The following CSMD1 variants were observed in gnomAD, a reference collection of about 807,000 sequenced individuals.
CSMD1 encodes CUB and Sushi multiple domains 1, also known as CUB and sushi domain-containing protein 1.
In CSMD1, 213 loss-of-function variants were observed where a neutral mutation model predicts 417.5. That is an observed-to-expected ratio of 0.51 (90% CI 0.46 to 0.57). CSMD1 has a LOEUF of 0.57. Ranked by LOEUF, CSMD1 falls within the 20% of genes least tolerant of loss-of-function variation. CSMD1 has a pLI of 0.00. For missense variants in CSMD1, 6,923 were observed against 4,529.7 expected (o/e 1.53, Z -15.17); for synonymous variants, 2,862 against 1,736.8 (o/e 1.65, Z -16.11).
At chr8:4,726,203 T>G (rs1384479449) in intron 1 of CSMD1, among the ~76,000 whole-genome samples, 1 of 152,126 alleles carries the variant, frequency 6.6e-6, no homozygotes, top group Non-Finnish European at 1.5e-5. Flanking sequence ...AGTTTTCAGC[T>G]GTGGCTTCAT....
At chr8:3,593,026 G>C (rs760342996) in intron 8 of CSMD1, among the ~76,000 whole-genome samples, 6 of 152,324 alleles carry the variant, frequency 3.9e-5, no homozygotes, top group African/African-American at 1.4e-4. Flanking sequence ...CTTGGATATA[G>C]GCAGGAGAGG....
intron 22 of CSMD1, among the ~76,000 whole-genome samples, chr8:3,344,249 A>C (rs534137251): frequency 3.3e-5 from 5 of 152,126 alleles, no homozygotes; most frequent in Admixed American, 1.3e-4. Flanking sequence ...GGATCGGGTA[A>C]AAGTGTTTAG....
chr8:3,033,519 T>A (rs189620993), intron 50 of CSMD1, among the ~76,000 whole-genome samples: 8 of 152,088 alleles, frequency 5.3e-5, no homozygotes, highest in Middle Eastern at 3.4e-3. Flanking sequence ...AAACACCGCG[T>A]GTTCTCATTT....
intron 48 of CSMD1, among the ~76,000 whole-genome samples, chr8:3,089,311 C>G (rs1471908906): frequency 6.6e-6 from 1 of 152,220 alleles, no homozygotes; most frequent in Admixed American, 6.5e-5. Context: ...CCAGTCTGTA[C>G]TTTCAACCCG....
chr8:4,852,475 G>C (rs144687704), intron 1 of CSMD1, among the ~76,000 whole-genome samples: 33 of 152,256 alleles, frequency 2.2e-4, no homozygotes, highest in African/African-American at 7.5e-4. Context: ...GGCCTCACCA[G>C]TTGAGGCCTC....
chr8:4,665,262 G>C (rs1233846398), intron 1 of CSMD1, among the ~76,000 whole-genome samples: 1 of 152,136 alleles, frequency 6.6e-6, no homozygotes, highest in African/African-American at 2.4e-5. Context: ...AAACTTCAAA[G>C]TTTGGCTGGT....
At chr8:3,028,388 A>C (rs544349723) in intron 51 of CSMD1, among the ~76,000 whole-genome samples, 1 of 152,258 alleles carries the variant, frequency 6.6e-6, no homozygotes, top group African/African-American at 2.4e-5. Flanking sequence ...AAACTCAGTG[A>C]CCAGGTCATT....
intron 2 of CSMD1, among the ~76,000 whole-genome samples, chr8:4,440,922 G>T (rs1172838414): frequency 6.6e-6 from 1 of 151,180 alleles, no homozygotes; most frequent in South Asian, 2.1e-4. Flanking sequence ...ACTTGAACCC[G>T]GGAGGCGGAG....
At chr8:3,153,150 C>T (rs1819305854) in intron 39 of CSMD1, among the ~76,000 whole-genome samples, 1 of 152,168 alleles carries the variant, frequency 6.6e-6, no homozygotes, top group Non-Finnish European at 1.5e-5. Context: ...CCCACCAAAG[C>T]CAAGATGGCC....
intron 3 of CSMD1, among the ~76,000 whole-genome samples, chr8:4,260,436 C>G (rs556611946): frequency 2.5e-4 from 38 of 152,198 alleles, no homozygotes; most frequent in African/African-American, 8.2e-4. Flanking sequence ...CTAGTATGTA[C>G]TTTACTGAGT....
intron 1 of CSMD1, among the ~76,000 whole-genome samples, chr8:4,919,927 C>T (rs1399203102): frequency 1.3e-5 from 2 of 152,078 alleles, no homozygotes; most frequent in East Asian, 3.9e-4. Flanking sequence ...GAGAACAGCC[C>T]TCAACAGACA....
chr8:4,077,301 A>ATATATATATATATGTG (rs1417007479), intron 3 of CSMD1, among the ~76,000 whole-genome samples: 6 of 73,548 alleles, frequency 8.2e-5, no homozygotes, highest in African/African-American at 2.2e-4. Context: ...ATATGTGTAT[A>ATATATATATATATGTG]TATATATATA....
chr8:3,802,440 T>C (rs185611514), intron 5 of CSMD1, among the ~76,000 whole-genome samples: 1 of 152,204 alleles, frequency 6.6e-6, no homozygotes, highest in Non-Finnish European at 1.5e-5. Context: ...GACATTTTTT[T>C]CTTATTAAAT....
chr8:4,557,387 C>A (rs1016846146), intron 2 of CSMD1, among the ~76,000 whole-genome samples: 1 of 150,640 alleles, frequency 6.6e-6, no homozygotes, highest in Non-Finnish European at 1.5e-5. Context: ...ATAGCATTAT[C>A]TAAGAATTCA....
At chr8:4,540,673 G>A (rs796763746) in intron 2 of CSMD1, among the ~76,000 whole-genome samples, 1 of 152,172 alleles carries the variant, frequency 6.6e-6, no homozygotes, top group African/African-American at 2.4e-5. Context: ...GTCAGGAAAG[G>A]CTTCTTGGAA....
chr8:3,533,976 G>T (rs1356315475), intron 10 of CSMD1, among the ~76,000 whole-genome samples: 1 of 152,098 alleles, frequency 6.6e-6, no homozygotes, highest in African/African-American at 2.4e-5. Context: ...ACAAAATTTT[G>T]TTTTGGCAAT....
At chr8:4,403,035 G>A (rs979050075) in intron 3 of CSMD1, among the ~76,000 whole-genome samples, 2 of 151,678 alleles carry the variant, frequency 1.3e-5, no homozygotes, top group Admixed American at 6.6e-5. Flanking sequence ...GTTTCACCAC[G>A]TTGGCCAGGA....
At chr8:4,762,826 C>T (rs147667711) in intron 1 of CSMD1, among the ~76,000 whole-genome samples, 1,535 of 152,180 alleles carry the variant, frequency 0.01, 11 homozygotes, top group Non-Finnish European at 0.017. Flanking sequence ...TTTACTAACG[C>T]GAAGAAAAGA....
At chr8:3,786,735 G>C (rs530435745) in intron 5 of CSMD1, among the ~76,000 whole-genome samples, 1 of 152,282 alleles carries the variant, frequency 6.6e-6, no homozygotes, top group African/African-American at 2.4e-5. Context: ...CCATGATCAA[G>C]GCTCTGATGA....
Sources: gnomAD v4.1 joint callset for allele counts (sites outside exome capture counted in the v4.1 genomes callset) on GRCh38, gnomAD v4.1.1 for gene constraint, MANE v1.5 for transcripts, NCBI Gene and HGNC (gene_info 2026-07-23, HGNC 2026-07-21) for gene names.